The following GHR variants were observed in gnomAD, a reference collection of about 807,000 sequenced individuals.
GHR encodes growth hormone receptor.
GHR carries 35 observed loss-of-function variants against 67.1 expected under a neutral mutation model. The observed-to-expected ratio is 0.52, with a 90% CI of 0.40 to 0.69. GHR has a LOEUF of 0.69. Among genes scored for constraint, GHR ranks in the 30% least tolerant of loss-of-function variants. GHR has a pLI of 0.00. For synonymous variants in GHR, 272 were observed against 269.1 expected, an observed-to-expected ratio of 1.01 and a Z score of -0.10; for missense variants, 792 against 764.6, an observed-to-expected ratio of 1.04 and a Z score of -0.42.
At chr5:42,480,516 G>A (rs1436827009) in intron 1 of GHR, among the ~76,000 whole-genome samples, 1 of 152,174 alleles carries the variant, frequency 6.6e-6, no homozygotes, top group Non-Finnish European at 1.5e-5. Flanking sequence ...TATTGTGTGG[G>A]AGTCTAAGTC....
intron 3 of GHR, among the ~76,000 whole-genome samples, chr5:42,683,976 T>TC (rs1006183916): frequency 1.3e-5 from 2 of 151,884 alleles, no homozygotes; most frequent in Non-Finnish European, 2.9e-5. Flanking sequence ...TTTTTTTTTT[T>TC]GTTTCAGCTG....
intron 2 of GHR, among the ~76,000 whole-genome samples, chr5:42,603,178 AT>A (rs1752465896): frequency 6.6e-6 from 1 of 151,772 alleles, no homozygotes; most frequent in Non-Finnish European, 1.5e-5. Context: ...GGAATATATC[AT>A]TCAACTCCCT....
chr5:42,684,795 C>T lies in GHR; in HGVS notation c.137-4095C>T, dbSNP rs185557245. Among the ~76,000 whole-genome samples, 267 of 152,198 alleles carry T rather than the reference C, an allele frequency of 1.8e-3. 1 individual carries two copies. The highest frequency in any genetic ancestry group is 6.2e-3 in the African/African-American group (258 of 41,520). On this transcript the variant is annotated intron_variant, in intron 3 of 9. Coordinates refer to ENST00000230882, the MANE Select transcript of GHR (RefSeq NM_000163.5). ...GTGGAATTTGATTACAAAAACACTC[C>T]TGCTATCCCCAACCTGTGCTCCCAG...
chr5:42,477,653 A>G (rs992385325), intron 1 of GHR, among the ~76,000 whole-genome samples: 1 of 151,968 alleles, frequency 6.6e-6, no homozygotes, highest in African/African-American at 2.4e-5. Context: ...GCATTTTTTC[A>G]TGTGTTTTTT....
chr5:42,447,767 C>A (rs769696865), intron 1 of GHR, among the ~76,000 whole-genome samples: 2 of 136,118 alleles, frequency 1.5e-5, no homozygotes, highest in Non-Finnish European at 3.1e-5. Context: ...TTTTCTTTCT[C>A]TCTCTCTCTT....
At chr5:42,623,177 TTA>T (rs372690759) in intron 2 of GHR, among the ~76,000 whole-genome samples, 1 of 151,974 alleles carries the variant, frequency 6.6e-6, no homozygotes, top group Non-Finnish European at 1.5e-5. Flanking sequence ...GATTTAAATC[TTA>T]TATATATATA....
chr5:42,493,583 G>T (rs976640312), intron 1 of GHR, among the ~76,000 whole-genome samples: 4 of 152,106 alleles, frequency 2.6e-5, no homozygotes, highest in Non-Finnish European at 4.4e-5. Context: ...TCTATACCTT[G>T]TTAATGGGAT....
intron 1 of GHR, among the ~76,000 whole-genome samples, chr5:42,532,849 T>A (rs981266245): frequency 4.5e-4 from 69 of 152,316 alleles, no homozygotes; most frequent in African/African-American, 1.0e-3. Flanking sequence ...CTAATCAGAA[T>A]TTGAATTGAT....
intron 5 of GHR, among the ~76,000 whole-genome samples, chr5:42,696,214 G>A (rs759138558): frequency 1.3e-5 from 2 of 152,192 alleles, no homozygotes; most frequent in Admixed American, 6.5e-5. Flanking sequence ...CATGTGTCAC[G>A]CACTGTTCTG....
At chr5:42,643,478 T>C (rs769839712) in intron 3 of GHR, among the ~76,000 whole-genome samples, 29 of 152,270 alleles carry the variant, frequency 1.9e-4, no homozygotes, top group Non-Finnish European at 2.6e-4. Context: ...CTCAATGGTG[T>C]GGGCATGAGT....
chr5:42,615,200 C>A (rs1379862705), intron 2 of GHR, among the ~76,000 whole-genome samples: 1 of 151,824 alleles, frequency 6.6e-6, no homozygotes, highest in Non-Finnish European at 1.5e-5. Context: ...GTTTTGTAAA[C>A]TCTACAGCAA....
Position 42,719,753 on chromosome 5 carries a change from C to A in GHR, c.*329C>A. 1 of 312,084 alleles carries A rather than the reference C, an allele frequency of 3.2e-6. No homozygotes were observed. Among genetic ancestry groups the A allele is most frequent in the South Asian group, 3.5e-5 (1 of 28,882 alleles). 19.3% of individuals were successfully genotyped at this position (312,084 alleles called of 1,614,324 possible). On this transcript the variant is annotated 3_prime_UTR_variant, in exon 10 of 10. Coordinates refer to ENST00000230882, the MANE Select transcript of GHR (RefSeq NM_000163.5). Reference sequence around the variant, plus strand: ...TGTTTTTAATGTATAGTAAATCACGCTTTTTGAAAAAGCGAAAAAATCAGG... The same window carrying A: ...TGTTTTTAATGTATAGTAAATCACGATTTTTGAAAAAGCGAAAAAATCAGG...
chr5:42,529,327 T>C (rs1250948399), intron 1 of GHR, among the ~76,000 whole-genome samples: 1 of 152,132 alleles, frequency 6.6e-6, no homozygotes, highest in African/African-American at 2.4e-5. Flanking sequence ...AACTTTTATA[T>C]ACAGTAGGAA....
At chr5:42,489,504 A>G (rs1162336770) in intron 1 of GHR, among the ~76,000 whole-genome samples, 1 of 152,188 alleles carries the variant, frequency 6.6e-6, no homozygotes, top group Non-Finnish European at 1.5e-5. Context: ...TTTAACACAC[A>G]CACATCCACA....
chr5:42,448,974 T>G (rs1743936108), intron 1 of GHR, among the ~76,000 whole-genome samples: 1 of 152,220 alleles, frequency 6.6e-6, no homozygotes, highest in Admixed American at 6.5e-5. Context: ...GGGTTCTCTA[T>G]TCTGTTCCAT....
At position 42,423,785 on chromosome 5, in the gene GHR, G is replaced by GGCGGCA. The variant is rs1251090036; in HGVS notation, c.-173_-168dup. 2 of 163,840 alleles carry GGCGGCA rather than the reference G, an allele frequency of 1.2e-5. No individual in the cohort carries two copies. Among genetic ancestry groups the GGCGGCA allele is most frequent in the Non-Finnish European group, 2.6e-5 (2 of 77,362 alleles). 10.1% of individuals were successfully genotyped at this position (163,840 alleles called of 1,614,324 possible). ...AGGAGGGCTAGGGAGCGGCGGCGGC[G>GGCGGCA]GCGGCAGCGGCAGCAGCAGCTGCTA... On this transcript the variant is annotated 5_prime_UTR_variant, in exon 1 of 10. Coordinates refer to ENST00000230882, the MANE Select transcript of GHR (RefSeq NM_000163.5).
At chr5:42,687,503 C>CT (rs1757217967) in intron 3 of GHR, among the ~76,000 whole-genome samples, 1 of 152,174 alleles carries the variant, frequency 6.6e-6, no homozygotes, top group African/African-American at 2.4e-5. Context: ...TTGTTCATTT[C>CT]TCTATTCCTA....
chr5:42,502,144 T>G (rs1746566507), intron 1 of GHR, among the ~76,000 whole-genome samples: 1 of 152,106 alleles, frequency 6.6e-6, no homozygotes, highest in South Asian at 2.1e-4. Context: ...TTTTCTTGTT[T>G]TAAAGGACAA....
intron 6 of GHR, among the ~76,000 whole-genome samples, chr5:42,702,975 G>A (rs765708682): frequency 7.2e-5 from 11 of 152,050 alleles, no homozygotes; most frequent in Non-Finnish European, 1.3e-4. Flanking sequence ...CTTATCAGAT[G>A]TATGCAAATA....
Sources: gnomAD v4.1 joint callset for allele counts (sites outside exome capture counted in the v4.1 genomes callset) on GRCh38, gnomAD v4.1.1 for gene constraint, MANE v1.5 for transcripts, NCBI Gene and HGNC (gene_info 2026-07-23, HGNC 2026-07-21) for gene names.